The following NOL4L variants were observed in gnomAD, a reference collection of about 807,000 sequenced individuals.
The protein encoded by NOL4L is nucleolar protein 4-like.
In NOL4L, 7 loss-of-function variants were observed where a neutral mutation model predicts 64.5. That is an observed-to-expected ratio of 0.11 (90% CI 0.06 to 0.20). NOL4L has a LOEUF of 0.20. Ranked by LOEUF, NOL4L falls within the 10% of genes least tolerant of loss-of-function variation. The pLI is 1.00. For missense variants in NOL4L, 680 were observed against 967.1 expected, an observed-to-expected ratio of 0.70 and a Z score of 3.94; for synonymous variants, 413 against 401.0, an observed-to-expected ratio of 1.03 and a Z score of -0.36.
intron 4 of NOL4L, among the ~76,000 whole-genome samples, chr20:32,509,203 A>T (rs2017271635): frequency 6.6e-6 from 1 of 152,080 alleles, no homozygotes; most frequent in African/African-American, 2.4e-5. Context: ...TTTGTGTGGG[A>T]TCCTCTGGCT....
chr20:32,567,625 G>T (rs1408845367), intron 1 of NOL4L, among the ~76,000 whole-genome samples: 1 of 152,204 alleles, frequency 6.6e-6, no homozygotes, highest in Non-Finnish European at 1.5e-5. Context: ...AGCAGCTGCT[G>T]GTCAGCCGCC....
At chr20:32,573,569 C>T (rs1223210021) in intron 1 of NOL4L, 1 of 166,520 alleles carries the variant, frequency 6.0e-6, no homozygotes, top group Non-Finnish European at 1.3e-5. Context: ...ATAGATACTT[C>T]TATACAATAG....
At chr20:32,536,413 G>A in intron 1 of NOL4L, 1 of 645,056 alleles carries the variant, frequency 1.6e-6, no homozygotes, top group Non-Finnish European at 1.9e-6. Context: ...AGTGGGCCGC[G>A]CTAATGACTG....
At position 32,447,673 on chromosome 20, in the gene NOL4L, C is replaced by A; in HGVS notation, c.1966G>T (p.Ala656Ser). ...AAGGCAGCAGACTCCCGGTAGCCCG[C>A]GATGAGCTGCCGCACGGCGCTGATC... is the stretch of plus-strand genomic sequence containing the variant. ...TEISAVRQLI[A>S]GYRESAAFLL... is the part of the protein sequence containing the mutation. The change falls in exon 11 of 11, where the codon GCG becomes TCG. Residue 656 changes from alanine to serine, a missense_variant. By Grantham distance (99) the Ala-to-Ser change is moderately conservative. This residue lies in a region of NOL4L where 175 missense variants were observed against 227.0 expected (regional missense o/e 0.77). Transcript: ENST00000621426. 6.2e-7 allele frequency: 1 copy of A among 1,612,138 alleles called. No individual in the cohort carries two copies. The highest frequency in any genetic ancestry group is 8.5e-7 in the Non-Finnish European group (1 of 1,179,868).
rs138862207 is a variant in NOL4L at position 32,537,370 on chromosome 20, C to T, written c.322-9457G>A. Among the ~76,000 whole-genome samples the T allele has an allele frequency of 6.1e-3, 936 of 152,344 alleles. 15 individuals are homozygous for T. The highest frequency in any genetic ancestry group is 0.021 in the African/African-American group (875 of 41,564). Reference sequence around the variant, plus strand: ...GTGGCTCCGGGGCCTCCTAACCGTCCTGGGAGACAAAACAGTCACACTGGT... The same window carrying T: ...GTGGCTCCGGGGCCTCCTAACCGTCTTGGGAGACAAAACAGTCACACTGGT... On this transcript the variant is annotated intron_variant, in intron 1 of 10. Coordinates refer to ENST00000621426, the MANE Select transcript of NOL4L (RefSeq NM_001256798.2).
At chr20:32,462,914 A>AAAAAAAAAAAAAAAAC (rs1568611836) in intron 5 of NOL4L, among the ~76,000 whole-genome samples, 2 of 150,540 alleles carry the variant, frequency 1.3e-5, no homozygotes, top group African/African-American at 4.9e-5. Flanking sequence ...AAAAAAAAAA[A>AAAAAAAAAAAAAAAAC]AAAAAAAAAC....
At chr20:32,581,325 G>C (rs187324106) in intron 1 of NOL4L, among the ~76,000 whole-genome samples, 1 of 149,592 alleles carries the variant, frequency 6.7e-6, no homozygotes, top group African/African-American at 2.4e-5. Context: ...AATTCCCCTC[G>C]CCCTCTCTCT....
chr20:32,493,261 G>C (rs182471104), intron 4 of NOL4L, among the ~76,000 whole-genome samples: 2 of 152,280 alleles, frequency 1.3e-5, no homozygotes, highest in East Asian at 1.9e-4. Flanking sequence ...GCAGGGAAAC[G>C]GGCAGGTTAC....
At chr20:32,556,647 C>T (rs893100211) in intron 1 of NOL4L, among the ~76,000 whole-genome samples, 9 of 152,236 alleles carry the variant, frequency 5.9e-5, no homozygotes, top group African/African-American at 2.2e-4. Context: ...GTCCCATCTC[C>T]AGGCATATCA....
In NOL4L at chr20:32,474,859, G is replaced by A. The variant is rs1600704487; in HGVS notation, c.700-117C>T. The A allele has an allele frequency of 1.0e-5, 15 of 1,440,590 alleles. No homozygotes were observed. In the East Asian group the frequency reaches 3.8e-4, roughly 37 times the overall value. 89.2% of individuals were successfully genotyped at this position (1,440,590 alleles called of 1,614,324 possible). On this transcript the variant is annotated intron_variant, in intron 4 of 10. Transcript: ENST00000621426. The stretch of plus-strand genomic sequence containing the variant: ...GTTTGGGAGTGCCCTGAAGGCGGCA[G>A]GAGCCCTCAAACCTTGAAGTGAGGG...
At chr20:32,448,611 G>T (rs1360156037) in intron 10 of NOL4L, among the ~76,000 whole-genome samples, 1 of 152,184 alleles carries the variant, frequency 6.6e-6, no homozygotes, top group Non-Finnish European at 1.5e-5. Context: ...TGAGGTGGAG[G>T]GTTCATGCTG....
Position 32,445,367 on chromosome 20 carries a change from A to G in NOL4L, c.*2229T>C, listed in dbSNP as rs1334641360. 1 of 152,218 alleles carries G rather than the reference A, an allele frequency of 6.6e-6. No individual in the cohort carries two copies. The highest frequency in any genetic ancestry group is 1.5e-5 in the Non-Finnish European group (1 of 68,036). 9.4% of individuals were successfully genotyped at this position (152,218 alleles called of 1,614,324 possible). A position where few individuals can be genotyped will look rare whatever the true frequency, so the allele number is the denominator to read the frequency against. On this transcript the variant is annotated 3_prime_UTR_variant, in exon 11 of 11. Coordinates refer to ENST00000621426, the MANE Select transcript of NOL4L (RefSeq NM_001256798.2). ...GTCTGCCAAGAAATGCAAACGGTTC[A>G]TGTCTAGCTTGGGTACTGCCTCTGG... is the stretch of plus-strand genomic sequence containing the variant.
intron 1 of NOL4L, among the ~76,000 whole-genome samples, chr20:32,533,053 A>C (rs945748068): frequency 6.6e-6 from 1 of 152,324 alleles, no homozygotes; most frequent in East Asian, 1.9e-4. Flanking sequence ...CAGGATGCTG[A>C]GATGGGAAGA....
chr20:32,461,443 G>A (rs2014051971), intron 5 of NOL4L, among the ~76,000 whole-genome samples: 2 of 125,040 alleles, frequency 1.6e-5, no homozygotes, highest in Non-Finnish European at 3.3e-5. Context: ...TTTTTTTTGA[G>A]ACGGAGTCTT....
intron 4 of NOL4L, among the ~76,000 whole-genome samples, chr20:32,494,252 G>GAAAAAAAAAAAAAAAAAAAA (rs1568654908): frequency 7.4e-5 from 2 of 27,098 alleles, no homozygotes; most frequent in African/African-American, 3.1e-4. Context: ...GATAATCTCG[G>GAAAAAAAAAAAAAAAAAAAA]GAAAAAAAAA....
At chr20:32,474,266 CTG>C (rs2015231113) in intron 5 of NOL4L, among the ~76,000 whole-genome samples, 1 of 152,240 alleles carries the variant, frequency 6.6e-6, no homozygotes, top group South Asian at 2.1e-4. Context: ...GTTAGGTACA[CTG>C]TGAACCTTCC....
At chr20:32,530,790 G>A (rs2018318815) in intron 1 of NOL4L, among the ~76,000 whole-genome samples, 1 of 151,912 alleles carries the variant, frequency 6.6e-6, no homozygotes. Flanking sequence ...GTGTGGTGGT[G>A]CATGCCTGTA....
intron 4 of NOL4L, among the ~76,000 whole-genome samples, chr20:32,493,239 C>A (rs1377559433): frequency 6.6e-6 from 1 of 152,182 alleles, no homozygotes; most frequent in Admixed American, 6.5e-5. Flanking sequence ...TCACTCGGTC[C>A]AAGGAAGCCA....
rs985250455 is a variant in NOL4L, at chr20:32,453,875, C to G, written c.1120-114G>C. 1.1e-6 allele frequency: 1 copy of G among 942,176 alleles called. No individual in the cohort carries two copies. Among genetic ancestry groups the G allele is most frequent in the Non-Finnish European group, 1.6e-6 (1 of 627,478 alleles). The allele number at this position is 942,176 out of a possible 1,614,324, so 58.4% of individuals were successfully genotyped here. ...GGGTGGCACGCATGCCCTGCTGCCA[C>G]GAGAGCCATAGCTGCGAGGCCCTGA... On this transcript the variant is annotated intron_variant, in intron 6 of 10. Coordinates refer to ENST00000621426, the MANE Select transcript of NOL4L (RefSeq NM_001256798.2). The surrounding 1 kb of genome is among the most constrained non-coding windows in gnomAD (Gnocchi z 5.6).
Sources: allele counts gnomAD v4.1 joint callset (sites outside exome capture counted in the v4.1 genomes callset), GRCh38; gene constraint gnomAD v4.1.1; regional missense constraint gnomAD v4.1.1; non-coding constraint Gnocchi (gnomAD v3.1); transcripts MANE v1.5; gene names NCBI Gene and HGNC (gene_info 2026-07-23, HGNC 2026-07-21).